Variants in MYO18A observed in about 807,000 individuals in gnomAD.
MYO18A encodes the protein unconventional myosin-XVIIIa.
A neutral mutation model predicts 235.8 loss-of-function variants in MYO18A; 78 were observed. That is an observed-to-expected ratio of 0.33 (90% CI 0.28 to 0.40). The LOEUF (loss-of-function observed/expected upper bound fraction) is 0.40, where lower values mean the gene tolerates loss of function less well. Among genes scored for constraint, MYO18A ranks in the 10% least tolerant of loss-of-function variants. The pLI, the probability that MYO18A is intolerant of heterozygous loss-of-function variation, is 1.00. For synonymous variants in MYO18A, 977 were observed against 1,077.8 expected, an observed-to-expected ratio of 0.91 and a Z score of 1.83; for missense variants, 2,215 against 2,699.3, an observed-to-expected ratio of 0.82 and a Z score of 3.98.
At chr17:29,115,982 G>A in intron 11 of MYO18A, 142 bp from the exon 12 acceptor site, 1 of 873,050 alleles carries the variant, frequency 1.1e-6, no homozygotes, top group East Asian at 2.7e-5. Context: ...GGCAGAACAG[G>A]GGCAGCCAGC....
Position 29,073,945 on chromosome 17 carries a change from CTGTAGT to C in MYO18A, c.*819_*824del, listed in dbSNP as rs1280116001. 3 of 1,613,902 alleles carry C rather than the reference CTGTAGT, an allele frequency of 1.9e-6. No homozygotes were observed. In the African/African-American group the frequency reaches 4.0e-5, roughly 22 times the overall value. On this transcript the variant is annotated 3_prime_UTR_variant, in exon 42 of 42. Coordinates refer to ENST00000527372, the MANE Select transcript of MYO18A (RefSeq NM_078471.4). ...CAGTGCTTGGATCAGCCCTGAACTG[CTGTAGT>C]TGGAATGGGTTTACCTTAAATAGGT...
At position 29,090,072 on chromosome 17, in the gene MYO18A, C is replaced by A. The variant is rs200435052; in HGVS notation, c.5415G>T (p.Glu1805Asp). ...TGTCCACCATGGACTGCTCCAGGAA[C>A]TCCACCTGGCTCTGGAGGGCTTGTA... ...EKLQALQSQV[E>D]FLEQSMVDKS... The change falls in exon 37 of 42, where the codon GAG becomes GAT. Residue 1805 changes from glutamate to aspartate, a missense_variant. By Grantham distance (45) the Glu-to-Asp change is conservative. Transcript: ENST00000527372. 286 of 1,613,456 alleles carry A rather than the reference C, an allele frequency of 1.8e-4. 2 individuals are homozygous for A. Among genetic ancestry groups the A allele is most frequent in the Non-Finnish European group, 3.0e-5 (35 of 1,179,630 alleles).
chr17:29,134,929 A>C (rs972372457), intron 2 of MYO18A, among the ~76,000 whole-genome samples: 15 of 152,136 alleles, frequency 9.9e-5, no homozygotes, highest in Non-Finnish European at 5.9e-5. Context: ...TCCAGCTGTA[A>C]CACACAATTA....
rs887560918 is a variant in MYO18A, at chr17:29,073,049, T to C, written c.*1721A>G. 1.3e-5 allele frequency: 2 copies of C among 151,690 alleles called. No individual in the cohort carries two copies. The highest frequency in any genetic ancestry group is 3.2e-3 in the Middle Eastern group (1 of 316). 9.4% of individuals were successfully genotyped at this position (151,690 alleles called of 1,614,324 possible). A position where few individuals can be genotyped will look rare whatever the true frequency, so the allele number is the denominator to read the frequency against. On this transcript the variant is annotated 3_prime_UTR_variant, in exon 42 of 42. Coordinates refer to ENST00000527372, the MANE Select transcript of MYO18A (RefSeq NM_078471.4). ...AAAATTAAGCTTTTAAAAAATGTTC[T>C]AATGAGAAGGGCTTGAATCCAAAAA...
In MYO18A at chr17:29,120,537, T is replaced by C. The variant is rs1273678048; in HGVS notation, c.1728+79A>G. On this transcript the variant is annotated intron_variant, in intron 7 of 41. Coordinates refer to ENST00000527372, the MANE Select transcript of MYO18A (RefSeq NM_078471.4). The surrounding 1 kb of genome is among the most constrained non-coding windows in gnomAD (Gnocchi z 4.2). ...GGTAGAATCCCAGGAAAATGAGGCATGGGAGAGAGCCTGATGTCTAGGTCA... is the reference window on the plus strand; with the variant it reads ...GGTAGAATCCCAGGAAAATGAGGCACGGGAGAGAGCCTGATGTCTAGGTCA... 2.6e-6 allele frequency: 4 copies of C among 1,515,072 alleles called. No individual in the cohort carries two copies. The highest frequency in any genetic ancestry group is 2.1e-5 in the Admixed American group (1 of 48,458). 93.9% of individuals were successfully genotyped at this position (1,515,072 alleles called of 1,614,324 possible). A position where few individuals can be genotyped will look rare whatever the true frequency, so the allele number is the denominator to read the frequency against.
In MYO18A at chr17:29,118,300, A is replaced by G. The variant is rs1278639666; in HGVS notation, c.1893+77T>C. ...CAGCAGCTGGAGCTGGGCTCCCACT[A>G]TTCCCACAGGACCCATGGAGGCTTC... is the stretch of plus-strand genomic sequence containing the variant. On this transcript the variant is annotated intron_variant, in intron 9 of 41. Transcript: ENST00000527372. This position sits in a 1 kb window ranked among gnomAD's most constrained non-coding sequence, Gnocchi z 4.2. 1.3e-6 allele frequency: 2 copies of G among 1,560,498 alleles called. No homozygotes were observed. Among genetic ancestry groups the G allele is most frequent in the African/African-American group, 2.7e-5 (2 of 73,516 alleles).
Position 29,120,956 on chromosome 17 carries a change from C to T in MYO18A, c.1585+42G>A. On this transcript the variant is annotated intron_variant, in intron 6 of 41. Transcript: ENST00000527372. This position sits in a 1 kb window ranked among gnomAD's most constrained non-coding sequence, Gnocchi z 4.2. ...AGGGTGCTCTCTCCTCACTCCCCTC[C>T]CCTCACCCCACTTTCAGTTTTCTCC... is the stretch of plus-strand genomic sequence containing the variant. 6.3e-7 allele frequency: 1 copy of T among 1,584,856 alleles called. No individual in the cohort carries two copies. Among genetic ancestry groups the T allele is most frequent in the South Asian group, 1.1e-5 (1 of 87,764 alleles).
chr17:29,094,216 C>A (rs2066467895), intron 30 of MYO18A, 126 bp from the exon 31 acceptor site: 2 of 685,426 alleles, frequency 2.9e-6, no homozygotes, highest in East Asian at 5.4e-5. Flanking sequence ...TTTGCTGGCA[C>A]CTTGCTCCCG....
At chr17:29,149,305 T>C (rs573129439) in intron 2 of MYO18A, among the ~76,000 whole-genome samples, 11 of 152,328 alleles carry the variant, frequency 7.2e-5, no homozygotes, top group Admixed American at 2.0e-4. Flanking sequence ...TAAATGCTTA[T>C]TGATGGAATA....
chr17:29,087,934 T>A lies in MYO18A; in HGVS notation c.5527-813A>T, dbSNP rs115627598. Among the ~76,000 whole-genome samples the A allele has an allele frequency of 2.1e-3, 326 of 152,168 alleles. 1 individual carries two copies. The highest frequency in any genetic ancestry group is 7.2e-3 in the African/African-American group (298 of 41,508). ...TCCTGTGTCCACCAGACCAATGGCC[T>A]CTTCTGTCCCTTGATAGCTTTGTGA... On this transcript the variant is annotated intron_variant, in intron 37 of 41. Transcript: ENST00000527372.
At chr17:29,091,179 T>A (rs2066390345) in intron 34 of MYO18A, 6 of 489,776 alleles carry the variant, frequency 1.2e-5, no homozygotes, top group Non-Finnish European at 2.2e-5. Context: ...TCCTGGCAGC[T>A]CCTTTGAGGC....
chr17:29,115,901 C>T, intron 11 of MYO18A, 61 bp from the exon 12 acceptor site: 1 of 1,522,272 alleles, frequency 6.6e-7, no homozygotes, highest in Non-Finnish European at 8.8e-7. Flanking sequence ...AGCTGATGAC[C>T]TGATGACCAG....
At chr17:29,165,842 G>A (rs1450988156) in intron 2 of MYO18A, 100 bp downstream of exon 2, 1 of 1,148,536 alleles carries the variant, frequency 8.7e-7, no homozygotes, top group Non-Finnish European at 1.2e-6. Flanking sequence ...ACACTGCTAG[G>A]CTCTGATAAC....
intron 21 of MYO18A, among the ~76,000 whole-genome samples, chr17:29,103,130 C>A (rs1013496563): frequency 1.3e-5 from 2 of 152,252 alleles, no homozygotes; most frequent in Non-Finnish European, 2.9e-5. Context: ...GGCCTGTGGG[C>A]AGGTGGTGGT....
At chr17:29,160,619 A>G (rs993489756) in intron 2 of MYO18A, among the ~76,000 whole-genome samples, 4 of 152,242 alleles carry the variant, frequency 2.6e-5, no homozygotes, top group African/African-American at 7.2e-5. Flanking sequence ...GAAAGGTTTG[A>G]TAACTTTGGT....
At chr17:29,088,593 G>C (rs2066317514) in intron 37 of MYO18A, among the ~76,000 whole-genome samples, 3 of 152,196 alleles carry the variant, frequency 2.0e-5, no homozygotes, top group Non-Finnish European at 4.4e-5. Flanking sequence ...AGAACCGACG[G>C]TGTGGAGACA....
chr17:29,154,069 G>C (rs1598384482), intron 2 of MYO18A, among the ~76,000 whole-genome samples: 1 of 151,742 alleles, frequency 6.6e-6, no homozygotes, highest in South Asian at 2.1e-4. Context: ...AGGGGTCTGG[G>C]AGAAAAGGAC....
In MYO18A at chr17:29,140,947, A is replaced by T. The variant is rs1035063661; in HGVS notation, c.1000-18694T>A. Reference sequence around the variant, plus strand: ...ACTAACGTCACATCCAAGACAGCACACGGGGCCCACTGCACACTGTGCCCA... The same window carrying T: ...ACTAACGTCACATCCAAGACAGCACTCGGGGCCCACTGCACACTGTGCCCA... On this transcript the variant is annotated intron_variant, in intron 2 of 41. Transcript: ENST00000527372. This position sits in a 1 kb window ranked among gnomAD's most constrained non-coding sequence, Gnocchi z 4.2. Among the ~76,000 whole-genome samples the T allele has an allele frequency of 3.3e-5, 5 of 152,216 alleles. No individual in the cohort carries two copies. The highest frequency in any genetic ancestry group is 7.3e-5 in the Non-Finnish European group (5 of 68,046).
At position 29,118,484 on chromosome 17, in the gene MYO18A, G is replaced by A. The variant is rs372745468; in HGVS notation, c.1830-44C>T. On this transcript the variant is annotated intron_variant, in intron 8 of 41. Coordinates refer to ENST00000527372, the MANE Select transcript of MYO18A (RefSeq NM_078471.4). This position sits in a 1 kb window ranked among gnomAD's most constrained non-coding sequence, Gnocchi z 4.2. ...CATCAGCACGGCACTTGGTCCCCAT[G>A]CCAAGGCCATTTCCGCCCAGGGTGG... 7 of 1,551,802 alleles carry A rather than the reference G, an allele frequency of 4.5e-6. No homozygotes were observed. Among genetic ancestry groups the A allele is most frequent in the African/African-American group, 2.7e-5 (2 of 73,774 alleles).
Sources: gnomAD v4.1 joint callset for allele counts (sites outside exome capture counted in the v4.1 genomes callset) on GRCh38, gnomAD v4.1.1 for gene constraint, Gnocchi (gnomAD v3.1) non-coding constraint, MANE v1.5 for transcripts, NCBI Gene and HGNC (gene_info 2026-07-23, HGNC 2026-07-21) for gene names.